The following PROS1 variants were observed in gnomAD, a reference collection of about 807,000 sequenced individuals.
PROS1 encodes protein S, also known as vitamin K-dependent protein S.
PROS1 carries 29 observed loss-of-function variants against 75.9 expected under a neutral mutation model. The observed-to-expected ratio is 0.38, with a 90% CI of 0.28 to 0.52. The LOEUF (loss-of-function observed/expected upper bound fraction) is 0.52. Ranked by LOEUF, PROS1 falls within the 20% of genes least tolerant of loss-of-function variation. The pLI, the probability that PROS1 is intolerant of heterozygous loss-of-function variation, is 0.83. For synonymous variants in PROS1, 245 were observed against 280.6 expected (o/e 0.87, Z 1.27); for missense variants, 680 against 810.3 (o/e 0.84, Z 1.95).
In PROS1 at chr3:93,877,070, G is replaced by T. The variant is rs1172971687; in HGVS notation, c.1766C>A (p.Pro589Gln). The T allele has an allele frequency of 1.9e-6, 3 of 1,613,286 alleles. No homozygotes were observed. Among genetic ancestry groups the T allele is most frequent in the East Asian group, 4.5e-5 (2 of 44,864 alleles). The change falls in exon 14 of 15, where the codon CCA becomes CAA. Residue 589 changes from proline to glutamine, a missense_variant. Physicochemically the swap from Pro to Gln is moderately conservative, Grantham distance 76. Coordinates refer to ENST00000394236, the MANE Select transcript of PROS1 (RefSeq NM_000313.4). ...ATGGGAGATGGTTTCTATTTTAAGT[G>T]GTGTCGACAACTCCAGATTGTTTCT... ...VNRNNLELST[P>Q]LKIETISHED...
At chr3:93,905,748 A>G (rs1708665111) in intron 6 of PROS1, 36 bp downstream of exon 6, 2 of 1,601,662 alleles carry the variant, frequency 1.2e-6, no homozygotes, top group African/African-American at 2.7e-5. Flanking sequence ...ATTCTCACAT[A>G]GTAAATGTGT....
intron 10 of PROS1, among the ~76,000 whole-genome samples, chr3:93,888,577 CACAA>C (rs1708384222): frequency 6.6e-6 from 1 of 152,148 alleles, no homozygotes; most frequent in African/African-American, 2.4e-5. Context: ...CACTGGTCAA[CACAA>C]ACAGTTTCAT....
chr3:93,894,557 A>G (rs1708474909), intron 9 of PROS1, among the ~76,000 whole-genome samples: 1 of 152,166 alleles, frequency 6.6e-6, no homozygotes, highest in South Asian at 2.1e-4. Context: ...GGCTGAAATC[A>G]TAGTTTCAAA....
intron 3 of PROS1, among the ~76,000 whole-genome samples, chr3:93,920,243 A>T (rs1315100420): frequency 6.6e-6 from 1 of 152,070 alleles, no homozygotes; most frequent in Non-Finnish European, 1.5e-5. Flanking sequence ...AAAAATATAA[A>T]ATATAATAAA....
chr3:93,956,562 A>AC (rs1553819502), intron 1 of PROS1, among the ~76,000 whole-genome samples: 15,644 of 93,328 alleles, frequency 0.17, 749 homozygotes, highest in Middle Eastern at 0.24. Flanking sequence ...ACACACACAC[A>AC]AACACACACA....
intron 1 of PROS1, among the ~76,000 whole-genome samples, chr3:93,933,006 T>C (rs1709128022): frequency 6.6e-6 from 1 of 152,200 alleles, no homozygotes; most frequent in Admixed American, 6.5e-5. Context: ...AGCTCATCTC[T>C]CTTTTAGTTC....
chr3:93,884,999 T>C, intron 11 of PROS1, 103 bp from the exon 12 acceptor site: 3 of 992,762 alleles, frequency 3.0e-6, no homozygotes, highest in Non-Finnish European at 3.0e-6. Flanking sequence ...CTTTCTTTGA[T>C]AATAGTTGAA....
At chr3:93,937,088 G>A (rs1051936143) in intron 1 of PROS1, among the ~76,000 whole-genome samples, 1 of 152,156 alleles carries the variant, frequency 6.6e-6, no homozygotes, top group Non-Finnish European at 1.5e-5. Context: ...CAGACACCGA[G>A]TTGTAGAAGG....
At chr3:93,930,335 CG>C (rs1237686954) in intron 1 of PROS1, among the ~76,000 whole-genome samples, 1 of 152,158 alleles carries the variant, frequency 6.6e-6, no homozygotes, top group South Asian at 2.1e-4. Context: ...AGTAGTTTTA[CG>C]CATGCTAGTT....
At chr3:93,932,953 C>T (rs1709127473) in intron 1 of PROS1, among the ~76,000 whole-genome samples, 1 of 152,098 alleles carries the variant, frequency 6.6e-6, no homozygotes, top group Admixed American at 6.5e-5. Flanking sequence ...ATTTTGCTCC[C>T]TTGTTTTTTT....
At chr3:93,913,128 A>G (rs1476829097) in intron 3 of PROS1, among the ~76,000 whole-genome samples, 1 of 151,822 alleles carries the variant, frequency 6.6e-6, no homozygotes, top group Non-Finnish European at 1.5e-5. Flanking sequence ...TGTTCTCATG[A>G]TAGTGAGTGA....
At chr3:93,911,409 C>A (rs1708758253) in intron 3 of PROS1, among the ~76,000 whole-genome samples, 1 of 152,178 alleles carries the variant, frequency 6.6e-6, no homozygotes, top group Non-Finnish European at 1.5e-5. Flanking sequence ...TGTATTACTT[C>A]ATTGTTCAGA....
At chr3:93,919,382 C>G (rs1334698341) in intron 3 of PROS1, among the ~76,000 whole-genome samples, 1 of 150,388 alleles carries the variant, frequency 6.6e-6, no homozygotes. Context: ...ATGTCATTTT[C>G]CAAATCTGAA....
rs947833510 is a variant in PROS1, at chr3:93,946,135, ACTC to A, written c.77-18731_77-18729del. On this transcript the variant is annotated intron_variant, in intron 1 of 14. Transcript: ENST00000394236. ...ACCTCTTCAAGGAGAACTACACACC[ACTC>A]CTCAATGAAATAAAAGAGGATACAA... 9.2e-5 allele frequency among the ~76,000 whole-genome samples: 14 copies of A among 152,272 alleles called. 1 individual carries two copies. The highest frequency in any genetic ancestry group is 3.1e-4 in the African/African-American group (13 of 41,556).
intron 6 of PROS1, among the ~76,000 whole-genome samples, chr3:93,901,437 T>C (rs1708591789): frequency 6.6e-6 from 1 of 152,216 alleles, no homozygotes; most frequent in Non-Finnish European, 1.5e-5. Context: ...AATATGAATT[T>C]AGTGCTAAAT....
Position 93,906,138 on chromosome 3 carries a change from G to A in PROS1, c.352C>T (p.Pro118Ser), listed in dbSNP as rs1227056282. 6 of 1,613,210 alleles carry A rather than the reference G, an allele frequency of 3.7e-6. No individual in the cohort carries two copies. The highest frequency in any genetic ancestry group is 5.1e-6 in the Non-Finnish European group (6 of 1,179,794). The stretch of plus-strand genomic sequence containing the variant: ...CATGGCAGAGGACTACACTGGTCTG[G>A]AATGGCTGAAGGAAATAGACATCTA... ...PDLRSCVNAI[P>S]DQCSPLPCNE... is the part of the protein sequence containing the mutation. Residue 118 changes from proline to serine, a missense_variant, in exon 5 of 15, where the codon CCA becomes TCA. Coordinates refer to ENST00000394236, the MANE Select transcript of PROS1 (RefSeq NM_000313.4).
intron 1 of PROS1, among the ~76,000 whole-genome samples, chr3:93,965,669 C>T (rs1435804157): frequency 6.6e-6 from 1 of 152,106 alleles, no homozygotes; most frequent in East Asian, 1.9e-4. Flanking sequence ...CAAGGACCCC[C>T]CGGTAACAAC....
chr3:93,916,914 A>G (rs1293755302), intron 3 of PROS1, among the ~76,000 whole-genome samples: 1 of 152,220 alleles, frequency 6.6e-6, no homozygotes, highest in Non-Finnish European at 1.5e-5. Context: ...TGTCAATTCT[A>G]AAAAATAGTT....
chr3:93,936,192 T>TG (rs753712040), intron 1 of PROS1, among the ~76,000 whole-genome samples: 2 of 151,312 alleles, frequency 1.3e-5, no homozygotes, highest in South Asian at 2.1e-4. Flanking sequence ...TAAGACTAGA[T>TG]GGGGTCATAA....
Sources: allele counts gnomAD v4.1 joint callset (sites outside exome capture counted in the v4.1 genomes callset), GRCh38; gene constraint gnomAD v4.1.1; transcripts MANE v1.5; gene names NCBI Gene and HGNC (gene_info 2026-07-23, HGNC 2026-07-21).